The following HCN1 variants were observed in gnomAD, a reference collection of about 807,000 sequenced individuals.
The protein encoded by HCN1 is hyperpolarization activated cyclic nucleotide gated potassium channel 1, also known as potassium/sodium hyperpolarization-activated cyclic nucleotide-gated channel 1.
In HCN1, 13 loss-of-function variants were observed where a neutral mutation model predicts 78.9. The ratio of observed to expected loss-of-function variants is 0.16; its 90% CI spans 0.11 to 0.26. The LOEUF (loss-of-function observed/expected upper bound fraction) is 0.26, where lower values mean the gene tolerates loss of function less well. Among genes scored for constraint, HCN1 ranks in the 10% least tolerant of loss-of-function variants. The probability of loss-of-function intolerance (pLI) is 1.00; values close to 1 mark genes in which losing one functional copy is unlikely to be tolerated. For missense variants in HCN1, 810 were observed against 1,154.3 expected (o/e 0.70, Z 4.32); for synonymous variants, 552 against 455.5 (o/e 1.21, Z -2.70).
chr5:45,554,327 C>T (rs1305396021), intron 2 of HCN1, among the ~76,000 whole-genome samples: 2 of 151,720 alleles, frequency 1.3e-5, no homozygotes, highest in Non-Finnish European at 2.9e-5. Context: ...CTACTAAGTT[C>T]CCTTATAATC....
chr5:45,456,268 C>G (rs1741027782), intron 3 of HCN1, among the ~76,000 whole-genome samples: 1 of 151,704 alleles, frequency 6.6e-6, no homozygotes, highest in Non-Finnish European at 1.5e-5. Flanking sequence ...ACTTGAGATG[C>G]ACAAATCATT....
chr5:45,587,259 T>C (rs1053932707), intron 2 of HCN1, among the ~76,000 whole-genome samples: 3 of 152,196 alleles, frequency 2.0e-5, no homozygotes, highest in Admixed American at 6.5e-5. Context: ...CATATGTTTA[T>C]TGTGGCACTG....
chr5:45,269,728 G>A (rs1188064698), intron 6 of HCN1, among the ~76,000 whole-genome samples: 1 of 152,068 alleles, frequency 6.6e-6, no homozygotes, highest in Non-Finnish European at 1.5e-5. Context: ...TCAGGTACAT[G>A]GTTGGCTACA....
At chr5:45,374,180 A>ATG (rs1561130358) in intron 4 of HCN1, among the ~76,000 whole-genome samples, 3 of 110,752 alleles carry the variant, frequency 2.7e-5, no homozygotes, top group African/African-American at 1.0e-4. Flanking sequence ...AATATATATT[A>ATG]TATATTATAT....
intron 5 of HCN1, among the ~76,000 whole-genome samples, chr5:45,331,266 A>G (rs1746338882): frequency 6.6e-6 from 1 of 151,172 alleles, no homozygotes; most frequent in Non-Finnish European, 1.5e-5. Flanking sequence ...TTGAACAGTT[A>G]TTTCACACTG....
At chr5:45,291,683 A>G (rs1745380082) in intron 6 of HCN1, among the ~76,000 whole-genome samples, 1 of 151,742 alleles carries the variant, frequency 6.6e-6, no homozygotes, top group Non-Finnish European at 1.5e-5. Context: ...TGTATGTGCT[A>G]CCACATCCAG....
chr5:45,261,822 G>A lies in HCN1; in HGVS notation c.*99C>T, dbSNP rs1283937099. ...CAGCTGTCTAAAATATCTCTTCATA[G>A]TAGGCTAGAGGGATCTATCAGGAGA... is the stretch of plus-strand genomic sequence containing the variant. On this transcript the variant is annotated 3_prime_UTR_variant, in exon 8 of 8. Coordinates refer to ENST00000303230, the MANE Select transcript of HCN1 (RefSeq NM_021072.4). 4.1e-6 allele frequency: 6 copies of A among 1,456,098 alleles called. No homozygotes were observed. The highest frequency in any genetic ancestry group is 1.4e-5 in the African/African-American group (1 of 71,856). 90.2% of individuals were successfully genotyped at this position (1,456,098 alleles called of 1,614,324 possible). A position where few individuals can be genotyped will look rare whatever the true frequency, so the allele number is the denominator to read the frequency against.
chr5:45,465,551 T>A (rs1561165233), intron 2 of HCN1, among the ~76,000 whole-genome samples: 1 of 152,012 alleles, frequency 6.6e-6, no homozygotes, highest in Non-Finnish European at 1.5e-5. Flanking sequence ...GGTCAGGAGT[T>A]CGAGACCAGC....
At chr5:45,547,576 T>C (rs976876516) in intron 2 of HCN1, among the ~76,000 whole-genome samples, 1 of 151,886 alleles carries the variant, frequency 6.6e-6, no homozygotes, top group African/African-American at 2.4e-5. Flanking sequence ...ATTCCTTATC[T>C]ATATTTAACA....
At chr5:45,555,121 T>C (rs1277266210) in intron 2 of HCN1, among the ~76,000 whole-genome samples, 1 of 151,838 alleles carries the variant, frequency 6.6e-6, no homozygotes, top group Non-Finnish European at 1.5e-5. Flanking sequence ...TATTTGTAGA[T>C]TATATGATTT....
intron 2 of HCN1, among the ~76,000 whole-genome samples, chr5:45,588,973 T>A (rs2111940127): frequency 6.6e-6 from 1 of 152,344 alleles, no homozygotes; most frequent in Admixed American, 6.5e-5. Context: ...GATTTTGTTT[T>A]GTTTTATTTT....
chr5:45,646,367 CTTTTTTTTTTTT>C (rs201964510), intron 1 of HCN1, among the ~76,000 whole-genome samples: 3 of 123,524 alleles, frequency 2.4e-5, no homozygotes, highest in African/African-American at 9.3e-5. Flanking sequence ...TTCTTTCTTT[CTTTTTTTTTTTT>C]TTTTTTTTGA....
intron 1 of HCN1, among the ~76,000 whole-genome samples, chr5:45,651,745 A>G (rs1029623216): frequency 5.9e-5 from 9 of 151,918 alleles, no homozygotes; most frequent in African/African-American, 2.2e-4. Context: ...GTATTTAGAA[A>G]CTTCGCAAAA....
chr5:45,606,442 T>C (rs1161148994), intron 2 of HCN1, among the ~76,000 whole-genome samples: 3 of 152,004 alleles, frequency 2.0e-5, no homozygotes, highest in East Asian at 1.9e-4. Context: ...CCTGAGGAAA[T>C]ATGCTAAGCT....
intron 2 of HCN1, among the ~76,000 whole-genome samples, chr5:45,536,410 CT>C (rs1742970540): frequency 6.6e-6 from 1 of 152,168 alleles, no homozygotes; most frequent in Admixed American, 6.6e-5. Context: ...AAAGTTCCAT[CT>C]TCAACTCAAC....
intron 4 of HCN1, among the ~76,000 whole-genome samples, chr5:45,373,677 T>A (rs1208391207): frequency 8.0e-6 from 1 of 124,498 alleles, no homozygotes; most frequent in South Asian, 2.5e-4. Context: ...ATACGTCATC[T>A]ATAATATATT....
chr5:45,426,904 A>C (rs1184008940), intron 3 of HCN1, among the ~76,000 whole-genome samples: 1 of 152,172 alleles, frequency 6.6e-6, no homozygotes, highest in African/African-American at 2.4e-5. Context: ...ATTTGTAATA[A>C]AATTTAGCAG....
At chr5:45,454,056 G>T (rs557763523) in intron 3 of HCN1, among the ~76,000 whole-genome samples, 1 of 152,178 alleles carries the variant, frequency 6.6e-6, no homozygotes, top group African/African-American at 2.4e-5. Context: ...GTCTTACATT[G>T]CTAAAGCAAC....
intron 2 of HCN1, among the ~76,000 whole-genome samples, chr5:45,516,171 A>G (rs1390615218): frequency 6.6e-6 from 1 of 151,980 alleles, no homozygotes; most frequent in Non-Finnish European, 1.5e-5. Context: ...GGTTTCCTCA[A>G]TGGAGTTGAC....
Sources: gnomAD v4.1 joint callset for allele counts (sites outside exome capture counted in the v4.1 genomes callset) on GRCh38, gnomAD v4.1.1 for gene constraint, MANE v1.5 for transcripts, NCBI Gene and HGNC (gene_info 2026-07-23, HGNC 2026-07-21) for gene names.